The following CRB1 variants were observed in gnomAD, a reference collection of about 807,000 sequenced individuals.
CRB1 encodes the protein crumbs cell polarity complex component 1.
A neutral mutation model predicts 120.0 loss-of-function variants in CRB1; 83 were observed. The ratio of observed to expected loss-of-function variants is 0.69; its 90% CI spans 0.58 to 0.83. The LOEUF (loss-of-function observed/expected upper bound fraction) is 0.83, where lower values mean the gene tolerates loss of function less well. Among genes scored for constraint, CRB1 ranks in the 40% least tolerant of loss-of-function variants. The pLI is 0.00. For missense variants in CRB1, 1,699 were observed against 1,687.6 expected (o/e 1.01, Z -0.12); for synonymous variants, 625 against 612.5 (o/e 1.02, Z -0.30).
the CRB1 span, among the ~76,000 whole-genome samples, chr1:197,215,795 A>G: frequency 1.3e-5 from 2 of 151,946 alleles, no homozygotes; most frequent in East Asian, 3.9e-4. Flanking sequence ...AGTCAATTAA[A>G]CCTCCTTCCC....
chr1:197,223,689 C>T, the CRB1 span, among the ~76,000 whole-genome samples: 2 of 152,092 alleles, frequency 1.3e-5, no homozygotes. Flanking sequence ...TAAATGTCTT[C>T]ATTTGATATA....
chr1:197,220,419 G>A, the CRB1 span, among the ~76,000 whole-genome samples: 4 of 152,120 alleles, frequency 2.6e-5, no homozygotes, highest in Admixed American at 6.5e-5. Flanking sequence ...AGAACAAACC[G>A]TCCCTGACAG....
the CRB1 span, among the ~76,000 whole-genome samples, chr1:197,258,275 C>T: frequency 1.5e-4 from 23 of 152,136 alleles, no homozygotes; most frequent in East Asian, 3.9e-3. Flanking sequence ...TTCAGTTTTT[C>T]TGGTTCCTTC....
intron 1 of CRB1, among the ~76,000 whole-genome samples, chr1:197,303,983 A>T (rs1050314823): frequency 2.0e-5 from 3 of 152,138 alleles, no homozygotes; most frequent in African/African-American, 7.2e-5. Context: ...GAGAGACGCC[A>T]TCTCTTAAAA....
chr1:197,416,954 C>T (rs565763517), intron 5 of CRB1, among the ~76,000 whole-genome samples: 108 of 152,308 alleles, frequency 7.1e-4, no homozygotes, highest in African/African-American at 2.5e-3. Flanking sequence ...ATGATCCACC[C>T]GCCTGGGCCT....
At position 197,457,050 on chromosome 1, in the gene CRB1, A is replaced by G. The variant is rs142286501; in HGVS notation, c.4005+14758A>G. Among the ~76,000 whole-genome samples, 747 of 152,246 alleles carry G rather than the reference A, an allele frequency of 4.9e-3. 9 individuals carry two copies. The highest frequency in any genetic ancestry group is 0.017 in the African/African-American group (698 of 41,572). The stretch of plus-strand genomic sequence containing the variant: ...AGACATTTTAAAGAATATGTTGCTC[A>G]TTGTTCTTCGACCCTAAAACCCTCA... On this transcript the variant is annotated intron_variant, in intron 11 of 11. Transcript: ENST00000367400.
chr1:197,206,288 T>C, the CRB1 span, among the ~76,000 whole-genome samples: 6 of 152,314 alleles, frequency 3.9e-5, no homozygotes, highest in African/African-American at 1.4e-4. Context: ...TCTTTTCTTC[T>C]GCTGGGTTTA....
chr1:197,285,143 A>G (rs1378560969), intron 1 of CRB1, among the ~76,000 whole-genome samples: 1 of 151,936 alleles, frequency 6.6e-6, no homozygotes, highest in Admixed American at 6.6e-5. Flanking sequence ...TTGATTAGGA[A>G]GTTACCTAGT....
chr1:197,284,561 G>A (rs944808750), intron 1 of CRB1, among the ~76,000 whole-genome samples: 2 of 151,840 alleles, frequency 1.3e-5, no homozygotes, highest in African/African-American at 4.8e-5. Flanking sequence ...TCATTTCCAT[G>A]GAACTCTCAT....
the CRB1 span, among the ~76,000 whole-genome samples, chr1:197,241,213 T>G: frequency 5.3e-5 from 8 of 152,062 alleles, no homozygotes; most frequent in African/African-American, 1.7e-4. Flanking sequence ...AATTGGATCT[T>G]ATTTGTCAAT....
At position 197,356,931 on chromosome 1, in the gene CRB1, T is replaced by C. The variant is rs376105354; in HGVS notation, c.1089T>C (p.Tyr363=). ...ECVELSSEKQ[Y]GRITGLPSSF... is the part of the protein sequence containing the mutation. ...TGGAGCTGTCCTCAGAGAAACAATA[T>C]GGACGCATCACTGGACTGCCTTCTT... Residue 363 remains tyrosine (Y), a synonymous_variant, in exon 5 of 12, where the codon TAT becomes TAC. Transcript: ENST00000367400. The C allele has an allele frequency of 6.8e-5, 110 of 1,614,122 alleles. No individual in the cohort carries two copies. Among genetic ancestry groups the C allele is most frequent in the Non-Finnish European group, 8.8e-5 (104 of 1,180,036 alleles).
intron 4 of CRB1, among the ~76,000 whole-genome samples, chr1:197,348,777 A>G (rs1371356080): frequency 6.6e-6 from 1 of 152,340 alleles, no homozygotes; most frequent in Non-Finnish European, 1.5e-5. Context: ...CGCCTGGCCC[A>G]TAAAGAAATT....
At chr1:197,445,595 T>C (rs1333928166) in intron 11 of CRB1, among the ~76,000 whole-genome samples, 1 of 152,232 alleles carries the variant, frequency 6.6e-6, no homozygotes, top group Non-Finnish European at 1.5e-5. Context: ...TTTGGCCATT[T>C]GTAGGTTTAA....
At chr1:197,327,132 A>AAAAC (rs1558055752) in intron 1 of CRB1, among the ~76,000 whole-genome samples, 2 of 148,780 alleles carry the variant, frequency 1.3e-5, no homozygotes, top group Non-Finnish European at 1.5e-5. Flanking sequence ...AAAAAAAAAA[A>AAAAC]CAGAAACCAA....
At chr1:197,375,983 A>G (rs1254025120) in intron 5 of CRB1, among the ~76,000 whole-genome samples, 1 of 152,142 alleles carries the variant, frequency 6.6e-6, no homozygotes, top group Non-Finnish European at 1.5e-5. Context: ...TCCATTTGCT[A>G]ATCTAAAACT....
intron 1 of CRB1, among the ~76,000 whole-genome samples, chr1:197,282,403 C>T (rs1655573046): frequency 6.6e-6 from 1 of 151,764 alleles, no homozygotes; most frequent in Non-Finnish European, 1.5e-5. Context: ...TGTTCCTACT[C>T]ATTGGTCCAG....
intron 5 of CRB1, among the ~76,000 whole-genome samples, chr1:197,391,747 T>G (rs566627284): frequency 1.2e-4 from 19 of 152,114 alleles, no homozygotes; most frequent in Non-Finnish European, 2.1e-4. Flanking sequence ...GCTGACATAA[T>G]TGAAAGGCTT....
intron 1 of CRB1, among the ~76,000 whole-genome samples, chr1:197,284,007 T>A (rs1655683346): frequency 1.3e-5 from 2 of 151,872 alleles, no homozygotes; most frequent in Non-Finnish European, 2.9e-5. Context: ...TTATTTCAAT[T>A]ATAAGCTATG....
At chr1:197,463,111 T>C (rs1666602894) in intron 11 of CRB1, among the ~76,000 whole-genome samples, 1 of 152,180 alleles carries the variant, frequency 6.6e-6, no homozygotes, top group Non-Finnish European at 1.5e-5. Context: ...GGAGATTTTC[T>C]TCATTGTTTA....
Sources: gnomAD v4.1 joint callset for allele counts (sites outside exome capture counted in the v4.1 genomes callset) on GRCh38, gnomAD v4.1.1 for gene constraint, MANE v1.5 for transcripts, NCBI Gene and HGNC (gene_info 2026-07-23, HGNC 2026-07-21) for gene names.